The following CTNNBL1 variants were observed in gnomAD, a reference collection of about 807,000 sequenced individuals.
The protein encoded by CTNNBL1 is catenin beta like 1, also known as beta-catenin-like protein 1.
CTNNBL1 carries 31 observed loss-of-function variants against 72.7 expected under a neutral mutation model. That is an observed-to-expected ratio of 0.43 (90% CI 0.32 to 0.58). The LOEUF (loss-of-function observed/expected upper bound fraction) is 0.58, where lower values mean the gene tolerates loss of function less well. Ranked by LOEUF, CTNNBL1 falls within the 20% of genes least tolerant of loss-of-function variation. CTNNBL1 has a pLI of 0.08. For synonymous variants in CTNNBL1, 240 were observed against 267.3 expected (o/e 0.90, Z 1.00); for missense variants, 534 against 725.1 (o/e 0.74, Z 3.03).
chr20:37,828,190 G>A (rs1483316057), intron 11 of CTNNBL1, among the ~76,000 whole-genome samples: 1 of 152,246 alleles, frequency 6.6e-6, no homozygotes, highest in Non-Finnish European at 1.5e-5. Flanking sequence ...CGACTGAGAC[G>A]CGGGCCTGGC....
At chr20:37,765,849 C>T (rs1354191096) in intron 6 of CTNNBL1, among the ~76,000 whole-genome samples, 3 of 152,136 alleles carry the variant, frequency 2.0e-5, no homozygotes, top group African/African-American at 7.2e-5. Flanking sequence ...TAGTATTTCT[C>T]CTCTTCCTTC....
chr20:37,780,356 G>A (rs2073615967), intron 10 of CTNNBL1, among the ~76,000 whole-genome samples: 1 of 152,028 alleles, frequency 6.6e-6, no homozygotes, highest in African/African-American at 2.4e-5. Flanking sequence ...TAAGTACTGG[G>A]CATACACAGA....
At chr20:37,734,777 G>A (rs1011668492) in intron 2 of CTNNBL1, among the ~76,000 whole-genome samples, 1 of 152,202 alleles carries the variant, frequency 6.6e-6, no homozygotes, top group African/African-American at 2.4e-5. Context: ...TCTCCCTCTG[G>A]TTTCTGACGT....
intron 13 of CTNNBL1, among the ~76,000 whole-genome samples, chr20:37,858,445 C>G (rs1289526634): frequency 6.6e-6 from 1 of 152,158 alleles, no homozygotes; most frequent in Non-Finnish European, 1.5e-5. Flanking sequence ...AGTTGTTAGC[C>G]TTAAAATCAG....
At chr20:37,768,782 T>C (rs2073495653) in intron 7 of CTNNBL1, among the ~76,000 whole-genome samples, 1 of 152,188 alleles carries the variant, frequency 6.6e-6, no homozygotes. Context: ...TGTTTTTTTG[T>C]TTTTTCTTTT....
At position 37,860,030 on chromosome 20, in the gene CTNNBL1, C is replaced by T. The variant is rs775484347; in HGVS notation, c.1524C>T (p.Val508=). Residue 508 remains valine, a synonymous_variant, in exon 14 of 16, where the codon GTC becomes GTT. Transcript: ENST00000361383. ...YIMAEICNAN[V]PQIRQRVHQI... ...TGGCCGAGATCTGCAATGCCAATGT[C>T]CCCCAGGTAGGAGGGTCTTCCCCTG... 1.9e-6 allele frequency: 3 copies of T among 1,614,012 alleles called. No homozygotes were observed. The highest frequency in any genetic ancestry group is 2.5e-6 in the Non-Finnish European group (3 of 1,180,026).
At chr20:37,815,950 T>C (rs1568793667) in intron 11 of CTNNBL1, among the ~76,000 whole-genome samples, 1 of 152,254 alleles carries the variant, frequency 6.6e-6, no homozygotes, top group Non-Finnish European at 1.5e-5. Flanking sequence ...GTGATTTTTA[T>C]ACGCAGCAGC....
intron 11 of CTNNBL1, among the ~76,000 whole-genome samples, chr20:37,833,077 G>A (rs2072225264): frequency 6.6e-6 from 1 of 152,196 alleles, no homozygotes; most frequent in Non-Finnish European, 1.5e-5. Flanking sequence ...ATGATTTGGA[G>A]GGAAAAGCAG....
At chr20:37,784,824 C>T (rs2073658030) in intron 10 of CTNNBL1, among the ~76,000 whole-genome samples, 1 of 152,128 alleles carries the variant, frequency 6.6e-6, no homozygotes, top group Non-Finnish European at 1.5e-5. Flanking sequence ...CTTATGGTTA[C>T]CAGTGGGTTT....
At chr20:37,837,991 G>C (rs1204519135) in intron 11 of CTNNBL1, among the ~76,000 whole-genome samples, 1 of 152,224 alleles carries the variant, frequency 6.6e-6, no homozygotes, top group East Asian at 1.9e-4. Flanking sequence ...TAAGACTTGA[G>C]AATAGCCATG....
chr20:37,824,410 T>C (rs182221956), intron 11 of CTNNBL1, among the ~76,000 whole-genome samples: 5 of 152,332 alleles, frequency 3.3e-5, no homozygotes, highest in Admixed American at 2.0e-4. Context: ...GTGTGGCTGC[T>C]TCCAAAAATG....
At chr20:37,825,752 T>TA (rs1277706248) in intron 11 of CTNNBL1, among the ~76,000 whole-genome samples, 1 of 152,194 alleles carries the variant, frequency 6.6e-6, no homozygotes, top group Non-Finnish European at 1.5e-5. Flanking sequence ...CCTTGGTGTA[T>TA]AGAGCATCCC....
chr20:37,756,535 T>C (rs1180958044), intron 4 of CTNNBL1: 2 of 152,058 alleles, frequency 1.3e-5, no homozygotes, highest in South Asian at 2.1e-4. Flanking sequence ...CTTATAAGTT[T>C]AGTTCTGCCA....
chr20:37,786,408 A>G (rs2073673761), intron 10 of CTNNBL1, among the ~76,000 whole-genome samples: 1 of 152,198 alleles, frequency 6.6e-6, no homozygotes, highest in Non-Finnish European at 1.5e-5. Flanking sequence ...CAGAGCCTGG[A>G]CTTGGGAACC....
chr20:37,763,434 A>G (rs2073436272), intron 5 of CTNNBL1, among the ~76,000 whole-genome samples: 1 of 152,156 alleles, frequency 6.6e-6, no homozygotes, highest in African/African-American at 2.4e-5. Flanking sequence ...CTTTTTCCTC[A>G]TACCAGGGCA....
At chr20:37,831,847 G>T (rs2072213190) in intron 11 of CTNNBL1, among the ~76,000 whole-genome samples, 1 of 152,208 alleles carries the variant, frequency 6.6e-6, no homozygotes, top group African/African-American at 2.4e-5. Context: ...ATAAGATTAT[G>T]AAACTCTAGA....
intron 4 of CTNNBL1, among the ~76,000 whole-genome samples, chr20:37,753,152 A>G (rs938306891): frequency 6.6e-6 from 1 of 152,114 alleles, no homozygotes; most frequent in Non-Finnish European, 1.5e-5. Flanking sequence ...GTTGATGATG[A>G]CAATTACAGA....
chr20:37,727,721 T>C (rs1309404548), intron 1 of CTNNBL1, among the ~76,000 whole-genome samples: 1 of 152,202 alleles, frequency 6.6e-6, no homozygotes, highest in Non-Finnish European at 1.5e-5. Flanking sequence ...GGCTTAAGCC[T>C]CTGGGGATTG....
At chr20:37,748,501 G>C (rs1466294877) in intron 4 of CTNNBL1, among the ~76,000 whole-genome samples, 2 of 152,202 alleles carry the variant, frequency 1.3e-5, no homozygotes, top group African/African-American at 2.4e-5. Flanking sequence ...CAGGCACTGT[G>C]CTAGGCCCTT....
Sources: gnomAD v4.1 joint callset for allele counts (sites outside exome capture counted in the v4.1 genomes callset) on GRCh38, gnomAD v4.1.1 for gene constraint, MANE v1.5 for transcripts, NCBI Gene and HGNC (gene_info 2026-07-23, HGNC 2026-07-21) for gene names.